COL25A1: variants seen among roughly 807,000 people sequenced by gnomAD.
COL25A1 encodes collagen alpha-1(XXV) chain.
COL25A1 carries 103 observed loss-of-function variants against 128.4 expected under a neutral mutation model. That is an observed-to-expected ratio of 0.80 (90% CI 0.68 to 0.94). The LOEUF (loss-of-function observed/expected upper bound fraction) is 0.94. Ranked by LOEUF, COL25A1 falls within the 40% of genes least tolerant of loss-of-function variation. COL25A1 has a pLI of 0.00. For missense variants in COL25A1, 745 were observed against 840.0 expected (o/e 0.89, Z 1.40); for synonymous variants, 279 against 277.2 (o/e 1.01, Z -0.06).
At chr4:109,255,446 C>T (rs1481894631) in intron 3 of COL25A1, among the ~76,000 whole-genome samples, 4 of 152,186 alleles carry the variant, frequency 2.6e-5, no homozygotes, top group Non-Finnish European at 5.9e-5. Context: ...TCACCTGCTG[C>T]TCTAAAGCCA....
intron 3 of COL25A1, among the ~76,000 whole-genome samples, chr4:109,282,049 G>T (rs1273072567): frequency 6.6e-6 from 1 of 152,168 alleles, no homozygotes; most frequent in East Asian, 1.9e-4. Context: ...ATGCCATGCT[G>T]CAGGCAGCAG....
intron 15 of COL25A1, among the ~76,000 whole-genome samples, chr4:108,898,402 G>A (rs1273635420): frequency 6.6e-6 from 1 of 152,102 alleles, no homozygotes; most frequent in Non-Finnish European, 1.5e-5. Context: ...CACTTACAAA[G>A]AGCATGATGT....
intron 3 of COL25A1, among the ~76,000 whole-genome samples, chr4:109,283,880 T>C (rs565311841): frequency 1.6e-4 from 25 of 152,066 alleles, no homozygotes; most frequent in Non-Finnish European, 3.4e-4. Context: ...CTTCCAAATA[T>C]CCCCAGTGGA....
intron 30 of COL25A1, among the ~76,000 whole-genome samples, chr4:108,843,352 T>A (rs1305621330): frequency 6.6e-6 from 1 of 152,132 alleles, no homozygotes; most frequent in African/African-American, 2.4e-5. Flanking sequence ...AGAGTGACCA[T>A]AATTTACTTA....
intron 19 of COL25A1, among the ~76,000 whole-genome samples, chr4:108,873,414 C>T (rs1331164497): frequency 1.3e-5 from 2 of 152,074 alleles, no homozygotes; most frequent in Admixed American, 6.5e-5. Flanking sequence ...ACTTACCATA[C>T]AAAACTGCAA....
intron 3 of COL25A1, among the ~76,000 whole-genome samples, chr4:109,197,900 G>A (rs1363545798): frequency 2.0e-5 from 3 of 152,064 alleles, no homozygotes; most frequent in African/African-American, 4.8e-5. Flanking sequence ...ATGCATGCTA[G>A]TGTAAACTAA....
At chr4:108,841,995 A>C (rs1238165506) in intron 30 of COL25A1, among the ~76,000 whole-genome samples, 1 of 152,230 alleles carries the variant, frequency 6.6e-6, no homozygotes, top group African/African-American at 2.4e-5. Flanking sequence ...AGAAAGAAGT[A>C]GGAAAAAGAG....
chr4:109,216,988 A>C (rs190417526), intron 3 of COL25A1, among the ~76,000 whole-genome samples: 2 of 152,096 alleles, frequency 1.3e-5, no homozygotes, highest in Admixed American at 6.6e-5. Context: ...TTAAAAAGGA[A>C]ATTCTTAGAG....
chr4:109,016,376 C>G (rs899431605), intron 5 of COL25A1, among the ~76,000 whole-genome samples: 13 of 152,244 alleles, frequency 8.5e-5, no homozygotes, highest in African/African-American at 3.1e-4. Flanking sequence ...TGCCTCTTGG[C>G]ATGAACAGCC....
At chr4:108,908,973 C>G (rs1032720219) in intron 13 of COL25A1, among the ~76,000 whole-genome samples, 1 of 152,126 alleles carries the variant, frequency 6.6e-6, no homozygotes, top group Non-Finnish European at 1.5e-5. Context: ...AAAGACATCT[C>G]AAAAGGCCAA....
chr4:109,290,416 T>C (rs1724351245), intron 3 of COL25A1, among the ~76,000 whole-genome samples: 1 of 152,006 alleles, frequency 6.6e-6, no homozygotes, highest in Admixed American at 6.6e-5. Context: ...ACAGAGGAAA[T>C]TATATGCAAG....
At chr4:109,123,128 A>G (rs2126056950) in intron 3 of COL25A1, among the ~76,000 whole-genome samples, 1 of 152,218 alleles carries the variant, frequency 6.6e-6, no homozygotes, top group South Asian at 2.1e-4. Flanking sequence ...AAAGATATCT[A>G]TTTGATACCT....
intron 3 of COL25A1, among the ~76,000 whole-genome samples, chr4:109,183,195 A>G (rs1179228724): frequency 1.3e-5 from 2 of 152,112 alleles, no homozygotes; most frequent in Non-Finnish European, 2.9e-5. Flanking sequence ...GAAATTTTAA[A>G]TTAAATTAAC....
At chr4:109,094,969 T>A (rs1765269333) in intron 3 of COL25A1, among the ~76,000 whole-genome samples, 1 of 152,204 alleles carries the variant, frequency 6.6e-6, no homozygotes, top group Non-Finnish European at 1.5e-5. Flanking sequence ...TTCTCCCTTC[T>A]CTAATTGTTA....
chr4:109,259,690 C>G (rs1205440874), intron 3 of COL25A1, among the ~76,000 whole-genome samples: 1 of 152,178 alleles, frequency 6.6e-6, no homozygotes, highest in Admixed American at 6.5e-5. Flanking sequence ...CCAAAAGCAT[C>G]AATTTAAACA....
intron 3 of COL25A1, among the ~76,000 whole-genome samples, chr4:109,260,616 C>A (rs1781381117): frequency 1.3e-5 from 2 of 152,106 alleles, no homozygotes; most frequent in African/African-American, 4.8e-5. Context: ...CTGTCTCAGT[C>A]TCCTGCGTAG....
intron 27 of COL25A1, 44 bp from the exon 28 acceptor site, chr4:108,846,263 C>T: frequency 8.5e-7 from 1 of 1,172,630 alleles, no homozygotes; most frequent in East Asian, 2.4e-5. Context: ...GCATAATGAC[C>T]CCCGATAATT....
intron 3 of COL25A1, among the ~76,000 whole-genome samples, chr4:109,158,915 C>G (rs934242244): frequency 5.3e-5 from 8 of 152,104 alleles, no homozygotes; most frequent in African/African-American, 1.9e-4. Flanking sequence ...TTATAACACT[C>G]TAATATTGCT....
chr4:109,019,488 GT>G (rs772772887), intron 5 of COL25A1, among the ~76,000 whole-genome samples: 3 of 151,446 alleles, frequency 2.0e-5, no homozygotes, highest in Non-Finnish European at 4.4e-5. Flanking sequence ...TCAGCTCACA[GT>G]TCCACATAGC....
Sources: allele counts gnomAD v4.1 joint callset (sites outside exome capture counted in the v4.1 genomes callset), GRCh38; gene constraint gnomAD v4.1.1; transcripts MANE v1.5; gene names NCBI Gene and HGNC (gene_info 2026-07-23, HGNC 2026-07-21).